MAST4: variants seen among roughly 807,000 people sequenced by gnomAD.
MAST4 encodes microtubule-associated serine/threonine-protein kinase 4.
A neutral mutation model predicts 162.7 loss-of-function variants in MAST4; 89 were observed. The ratio of observed to expected loss-of-function variants is 0.55; its 90% CI spans 0.46 to 0.65. The LOEUF is 0.65. Among genes scored for constraint, MAST4 ranks in the 30% least tolerant of loss-of-function variants. The pLI, the probability that MAST4 is intolerant of heterozygous loss-of-function variation, is 0.00. For synonymous variants in MAST4, 1,479 were observed against 1,361.1 expected, an observed-to-expected ratio of 1.09 and a Z score of -1.91; for missense variants, 3,153 against 3,374.0, an observed-to-expected ratio of 0.93 and a Z score of 1.62.
At chr5:66,607,716 G>A (rs1742981651) in intron 1 of MAST4, among the ~76,000 whole-genome samples, 1 of 152,138 alleles carries the variant, frequency 6.6e-6, no homozygotes, top group Non-Finnish European at 1.5e-5. Flanking sequence ...CAAGTTATTA[G>A]CATCTCTGAT....
intron 5 of MAST4, among the ~76,000 whole-genome samples, chr5:67,086,191 C>A (rs1255574371): frequency 6.6e-6 from 1 of 152,192 alleles, no homozygotes; most frequent in East Asian, 1.9e-4. Context: ...ATCATTAATT[C>A]TTGGATTCCT....
At chr5:66,973,032 C>T (rs751949463) in intron 4 of MAST4, among the ~76,000 whole-genome samples, 15 of 152,176 alleles carry the variant, frequency 9.9e-5, no homozygotes, top group Non-Finnish European at 1.9e-4. Context: ...CACCAGTTAA[C>T]ACTTGCCACA....
chr5:67,115,877 G>GT lies in MAST4; in HGVS notation c.1591+1669dup, dbSNP rs560828336. ...TTAAAACAGAACCATCTTTTAATTT[G>GT]TTTTTTTTTTTATGAAAATAGTTGG... On this transcript the variant is annotated intron_variant, in intron 12 of 28. Transcript: ENST00000403625. 8.7e-3 allele frequency among the ~76,000 whole-genome samples: 1,255 copies of GT among 143,812 alleles called. 13 individuals are homozygous for GT. Among genetic ancestry groups the GT allele is most frequent in the African/African-American group, 0.023 (918 of 39,600 alleles). The allele number at this position is 143,812 out of a possible 152,430, so 94.3% of individuals were successfully genotyped here.
rs573678043 is a variant in MAST4 at position 67,116,876 on chromosome 5, T to C, written c.1592-1806T>C. Among the ~76,000 whole-genome samples the C allele has an allele frequency of 1.2e-4, 18 of 152,272 alleles. No homozygotes were observed. The East Asian group carries it at 3.5e-3, about 29-fold the overall frequency. On this transcript the variant is annotated intron_variant, in intron 12 of 28. Coordinates refer to ENST00000403625, the MANE Select transcript of MAST4 (RefSeq NM_001164664.2). Reference sequence around the variant, plus strand: ...GTTCTACATTTGTTTCCCTTTCTTGTCAGCGTCTAAACTAACATACCTTAG... The same window carrying C: ...GTTCTACATTTGTTTCCCTTTCTTGCCAGCGTCTAAACTAACATACCTTAG...
chr5:66,883,422 G>GTTTT (rs36071165), intron 3 of MAST4, among the ~76,000 whole-genome samples: 4 of 97,252 alleles, frequency 4.1e-5, no homozygotes, highest in African/African-American at 1.6e-4. Context: ...TTCTGTCACT[G>GTTTT]TTTTTTTTTT....
chr5:66,921,703 G>A (rs935762260), intron 4 of MAST4, among the ~76,000 whole-genome samples: 11 of 152,176 alleles, frequency 7.2e-5, no homozygotes, highest in Non-Finnish European at 1.6e-4. Flanking sequence ...AGGTTGCGGT[G>A]ATCCTAGATC....
intron 5 of MAST4, among the ~76,000 whole-genome samples, chr5:67,078,932 A>ATAATATATATATATATATATATATATAT (rs1762243953): frequency 1.2e-5 from 1 of 81,972 alleles, no homozygotes; most frequent in Non-Finnish European, 2.2e-5. Flanking sequence ...ATATATATAT[A>ATAATATATATATATATATATATATATAT]TATATATATA....
intron 1 of MAST4, among the ~76,000 whole-genome samples, chr5:66,618,622 C>T (rs948231364): frequency 2.0e-5 from 3 of 152,108 alleles, no homozygotes; most frequent in Non-Finnish European, 2.9e-5. Context: ...GGGAGACAGA[C>T]ACGCTGGTTT....
At chr5:66,614,611 A>G (rs1743541654) in intron 1 of MAST4, among the ~76,000 whole-genome samples, 2 of 152,218 alleles carry the variant, frequency 1.3e-5, no homozygotes, top group East Asian at 1.9e-4. Context: ...GTGTTGCAGA[A>G]GAGAAGACCA....
At chr5:67,054,383 T>C in intron 4 of MAST4, 21 bp from the exon 5 acceptor site, 1 of 1,577,358 alleles carries the variant, frequency 6.3e-7, no homozygotes, top group African/African-American at 1.4e-5. Context: ...TTAAACTTTG[T>C]TTTTTCTTTC....
rs199767294 is a variant in MAST4, at chr5:67,006,201, GT to G, written c.675-48202del. Among the ~76,000 whole-genome samples, 1,125 of 152,314 alleles carry G rather than the reference GT, an allele frequency of 7.4e-3. 13 individuals are homozygous for G. The highest frequency in any genetic ancestry group is 0.026 in the African/African-American group (1,086 of 41,554). ...ACACAAATCACATGTGCACCTGTGT[GT>G]ATGAGAGAGACATCTGGCAGGTTTC... is the stretch of plus-strand genomic sequence containing the variant. On this transcript the variant is annotated intron_variant, in intron 4 of 28. Coordinates refer to ENST00000403625, the MANE Select transcript of MAST4 (RefSeq NM_001164664.2).
chr5:67,144,561 A>G, intron 21 of MAST4, 108 bp from the exon 22 acceptor site: 4 of 1,105,314 alleles, frequency 3.6e-6, no homozygotes, highest in Non-Finnish European at 5.3e-6. Flanking sequence ...ACACAATATT[A>G]GTTCAGAATT....
chr5:67,081,734 A>G (rs1355983286), intron 5 of MAST4, among the ~76,000 whole-genome samples: 1 of 152,216 alleles, frequency 6.6e-6, no homozygotes, highest in African/African-American at 2.4e-5. Flanking sequence ...TGACATATAT[A>G]GTATTTTATT....
intron 4 of MAST4, among the ~76,000 whole-genome samples, chr5:67,027,249 A>G (rs1367310414): frequency 6.6e-6 from 1 of 152,180 alleles, no homozygotes; most frequent in Non-Finnish European, 1.5e-5. Flanking sequence ...TGAAATATAT[A>G]ATTATTACAA....
chr5:67,163,766 C>T lies in MAST4; in HGVS notation c.4587C>T (p.Arg1529=), dbSNP rs753914825. 14 of 1,610,064 alleles carry T rather than the reference C, an allele frequency of 8.7e-6. No individual in the cohort carries two copies. The highest frequency in any genetic ancestry group is 1.7e-5 in the Admixed American group (1 of 59,350). The change falls in exon 29 of 29, where the codon CGC becomes CGT. Residue 1529 remains arginine, a synonymous_variant. Coordinates refer to ENST00000403625, the MANE Select transcript of MAST4 (RefSeq NM_001164664.2). This position sits in a 1 kb window ranked among gnomAD's most constrained non-coding sequence, Gnocchi z 7.0. The stretch of plus-strand genomic sequence containing the variant: ...AGGAGTCTGTGGACGACCTGGACCG[C>T]GACAAGCTGAAGGCCAAGGTGGTGG... The part of the protein sequence containing the change: ...GRQESVDDLD[R]DKLKAKVVVK...
intron 2 of MAST4, among the ~76,000 whole-genome samples, chr5:66,760,862 GAT>G (rs35116870): frequency 0.18 from 28,119 of 152,100 alleles, 3,081 homozygotes; most frequent in East Asian, 0.45. Flanking sequence ...AAATGTTTGA[GAT>G]ATGATGAATA....
intron 1 of MAST4, among the ~76,000 whole-genome samples, chr5:66,618,397 C>T (rs1743857039): frequency 6.6e-6 from 1 of 152,186 alleles, no homozygotes; most frequent in African/African-American, 2.4e-5. Flanking sequence ...CTCTGATTTT[C>T]CCTGACCTTC....
intron 6 of MAST4, among the ~76,000 whole-genome samples, chr5:67,091,841 C>A (rs1227124050): frequency 6.6e-6 from 1 of 152,054 alleles, no homozygotes; most frequent in African/African-American, 2.4e-5. Flanking sequence ...GACAAATAAA[C>A]CATAAACCGT....
intron 1 of MAST4, among the ~76,000 whole-genome samples, chr5:66,747,798 A>G (rs768713545): frequency 3.9e-4 from 60 of 152,202 alleles, no homozygotes; most frequent in Non-Finnish European, 7.3e-4. Flanking sequence ...TGTCCCGTGC[A>G]TTGCAGGAAA....
Sources: allele counts gnomAD v4.1 joint callset (sites outside exome capture counted in the v4.1 genomes callset), GRCh38; gene constraint gnomAD v4.1.1; non-coding constraint Gnocchi (gnomAD v3.1); transcripts MANE v1.5; gene names NCBI Gene and HGNC (gene_info 2026-07-23, HGNC 2026-07-21).